The following ADCY2 variants were observed in gnomAD, a reference collection of about 807,000 sequenced individuals.
ADCY2 encodes adenylate cyclase type 2.
A neutral mutation model predicts 125.2 loss-of-function variants in ADCY2; 31 were observed. The observed-to-expected ratio is 0.25, with a 90% CI of 0.19 to 0.33. ADCY2 has a LOEUF of 0.33. Among genes scored for constraint, ADCY2 ranks in the 10% least tolerant of loss-of-function variants. The pLI, the probability that ADCY2 is intolerant of heterozygous loss-of-function variation, is 1.00. For missense variants in ADCY2, 904 were observed against 1,418.2 expected, an observed-to-expected ratio of 0.64 and a Z score of 5.82; for synonymous variants, 512 against 548.4, an observed-to-expected ratio of 0.93 and a Z score of 0.93.
At position 7,396,619 on chromosome 5, in the gene ADCY2, G is replaced by C; in HGVS notation, c.210+113G>C. On this transcript the variant is annotated intron_variant, in intron 1 of 24. Coordinates refer to ENST00000338316, the MANE Select transcript of ADCY2 (RefSeq NM_020546.3). The surrounding 1 kb of genome is among the most constrained non-coding windows in gnomAD (Gnocchi z 5.7). ...GCCCCTCGGCCCGCGGCAGCCCCTC[G>C]GCCCGCGGCAGCCCCTCGGCCCGCG... 1.4e-6 allele frequency: 1 copy of C among 738,032 alleles called. No homozygotes were observed. The highest frequency in any genetic ancestry group is 1.8e-6 in the Non-Finnish European group (1 of 542,204). 45.7% of individuals were successfully genotyped at this position (738,032 alleles called of 1,614,324 possible).
At chr5:7,526,322 G>C (rs115772011) in intron 3 of ADCY2, among the ~76,000 whole-genome samples, 1 of 152,206 alleles carries the variant, frequency 6.6e-6, no homozygotes, top group Non-Finnish European at 1.5e-5. Context: ...AGGGAAGGCT[G>C]GGAAGGGAAG....
intron 23 of ADCY2, among the ~76,000 whole-genome samples, chr5:7,820,176 C>G (rs1257509106): frequency 6.6e-6 from 1 of 152,172 alleles, no homozygotes; most frequent in Non-Finnish European, 1.5e-5. Flanking sequence ...GGGGCTGTTT[C>G]CTGACCTAAC....
At position 7,396,351 on chromosome 5, in the gene ADCY2, G is replaced by T; in HGVS notation, c.55G>T (p.Ala19Ser). 1.9e-6 allele frequency: 3 copies of T among 1,544,008 alleles called. No homozygotes were observed. Among genetic ancestry groups the T allele is most frequent in the Non-Finnish European group, 2.6e-6 (3 of 1,146,720 alleles). ...RRYLRDRSEE[A>S]AGGGDGLPRS... is the part of the protein sequence containing the mutation. ...CTACCTGCGGGACCGCTCCGAGGAG[G>T]CGGCGGGCGGCGGAGACGGGCTGCC... The change falls in exon 1 of 25, where the codon GCG (alanine) becomes TCG (serine). Residue 19 changes from alanine (A) to serine (S), a missense_variant. By Grantham distance (99) the Ala-to-Ser change is moderately conservative. This residue lies in a region of ADCY2 where 113 missense variants were observed against 108.0 expected (regional missense o/e 1.05). Transcript: ENST00000338316. The surrounding 1 kb of genome is among the most constrained non-coding windows in gnomAD (Gnocchi z 5.7).
intron 14 of ADCY2, among the ~76,000 whole-genome samples, chr5:7,735,956 G>GAGAGGC (rs1742237386): frequency 2.0e-5 from 3 of 152,168 alleles, no homozygotes; most frequent in Non-Finnish European, 4.4e-5. Context: ...CCAGCACTTT[G>GAGAGGC]AGAGGCAGAG....
At chr5:7,549,586 T>G (rs1735259427) in intron 3 of ADCY2, among the ~76,000 whole-genome samples, 1 of 152,248 alleles carries the variant, frequency 6.6e-6, no homozygotes, top group Non-Finnish European at 1.5e-5. Context: ...CATTTGCTGC[T>G]GATCTTGGCT....
At chr5:7,692,055 C>T (rs189035001) in intron 5 of ADCY2, 13 of 152,390 alleles carry the variant, frequency 8.5e-5, no homozygotes, top group African/African-American at 3.1e-4. Context: ...TCCTCCAACA[C>T]TGGGGATTAC....
chr5:7,399,313 T>C (rs1739177814), intron 1 of ADCY2, among the ~76,000 whole-genome samples: 1 of 152,242 alleles, frequency 6.6e-6, no homozygotes, highest in South Asian at 2.1e-4. Flanking sequence ...CTTAGCATAA[T>C]GCAAGTACAT....
intron 12 of ADCY2, among the ~76,000 whole-genome samples, chr5:7,721,657 C>A (rs1440001487): frequency 6.6e-6 from 1 of 152,134 alleles, no homozygotes; most frequent in East Asian, 1.9e-4. Flanking sequence ...ATAGGGAATC[C>A]TTTCCCCATT....
Position 7,658,429 on chromosome 5 carries a change from G to GTATA in ADCY2, c.720+32114_720+32115insATAT, listed in dbSNP as rs767492689. On this transcript the variant is annotated intron_variant, in intron 4 of 24. Coordinates refer to ENST00000338316, the MANE Select transcript of ADCY2 (RefSeq NM_020546.3). The stretch of plus-strand genomic sequence containing the variant: ...TGTGTGTGTGTGTGTGTGTGTGTGT[G>GTATA]TGTATATATATATATATTTGAGATG... Among the ~76,000 whole-genome samples, 447 of 127,032 alleles carry GTATA rather than the reference G, an allele frequency of 3.5e-3. 1 individual carries two copies. The highest frequency in any genetic ancestry group is 0.011 in the African/African-American group (416 of 37,150). The allele number at this position is 127,032 out of a possible 152,430, so 83.3% of individuals were successfully genotyped here.
At chr5:7,771,215 G>T (rs1432276796) in intron 17 of ADCY2, among the ~76,000 whole-genome samples, 3 of 152,162 alleles carry the variant, frequency 2.0e-5, no homozygotes, top group Non-Finnish European at 4.4e-5. Flanking sequence ...CTCCCTCTGA[G>T]ATACTGCCTG....
At chr5:7,465,032 C>T (rs984180092) in intron 2 of ADCY2, among the ~76,000 whole-genome samples, 2 of 152,044 alleles carry the variant, frequency 1.3e-5, no homozygotes, top group Middle Eastern at 3.2e-3. Flanking sequence ...AAGGGGTTTC[C>T]CCTTATAAAA....
intron 22 of ADCY2, among the ~76,000 whole-genome samples, chr5:7,808,500 A>G (rs1024105303): frequency 1.3e-5 from 2 of 152,170 alleles, no homozygotes; most frequent in Non-Finnish European, 2.9e-5. Context: ...CCCTTACAAC[A>G]AGCCTAGGAG....
intron 4 of ADCY2, among the ~76,000 whole-genome samples, chr5:7,644,994 C>A (rs533725639): frequency 2.0e-5 from 3 of 152,256 alleles, no homozygotes; most frequent in Non-Finnish European, 4.4e-5. Context: ...TTGAGAGGGA[C>A]AATTCTGTCC....
At chr5:7,498,704 C>T (rs892053310) in intron 2 of ADCY2, among the ~76,000 whole-genome samples, 1 of 152,138 alleles carries the variant, frequency 6.6e-6, no homozygotes, top group African/African-American at 2.4e-5. Flanking sequence ...AAAATATATT[C>T]ATCAAAGATA....
At chr5:7,578,025 G>A (rs967319428) in intron 3 of ADCY2, among the ~76,000 whole-genome samples, 6 of 152,170 alleles carry the variant, frequency 3.9e-5, no homozygotes, top group Admixed American at 2.6e-4. Context: ...TCTGTCATAG[G>A]CATCCTTAGT....
chr5:7,710,919 T>G (rs546504631), intron 10 of ADCY2, among the ~76,000 whole-genome samples: 4 of 152,220 alleles, frequency 2.6e-5, no homozygotes, highest in African/African-American at 9.6e-5. Flanking sequence ...TGCATGAACA[T>G]TAGGAACAGA....
chr5:7,698,497 C>A, intron 7 of ADCY2, 123 bp downstream of exon 7: 2 of 970,462 alleles, frequency 2.1e-6, no homozygotes, highest in Non-Finnish European at 3.2e-6. Context: ...CCCATCAACT[C>A]ATCATTTACA....
chr5:7,705,902 C>T (rs35587130), intron 7 of ADCY2, among the ~76,000 whole-genome samples: 2 of 152,120 alleles, frequency 1.3e-5, no homozygotes, highest in African/African-American at 4.8e-5. Context: ...ACATACATGC[C>T]TATGCCATTT....
chr5:7,414,482 A>G (rs1012200484), intron 1 of ADCY2, 91 bp from the exon 2 acceptor site: 1 of 1,095,668 alleles, frequency 9.1e-7, no homozygotes, highest in African/African-American at 1.6e-5. Flanking sequence ...TCTGACATTG[A>G]CAAGCGTTGA....
Sources: allele counts gnomAD v4.1 joint callset (sites outside exome capture counted in the v4.1 genomes callset), GRCh38; gene constraint gnomAD v4.1.1; regional missense constraint gnomAD v4.1.1; non-coding constraint Gnocchi (gnomAD v3.1); transcripts MANE v1.5; gene names NCBI Gene and HGNC (gene_info 2026-07-23, HGNC 2026-07-21).